CRTAC1: variants seen among roughly 807,000 people sequenced by gnomAD.
The protein encoded by CRTAC1 is cartilage acidic protein 1.
CRTAC1 carries 37 observed loss-of-function variants against 67.8 expected under a neutral mutation model. The ratio of observed to expected loss-of-function variants is 0.55; its 90% CI spans 0.42 to 0.72. The LOEUF is 0.72. CRTAC1 is among the 30% of genes least tolerant of loss of function. The pLI is 0.00. For synonymous variants in CRTAC1, 348 were observed against 371.0 expected, an observed-to-expected ratio of 0.94 and a Z score of 0.71; for missense variants, 780 against 931.6, an observed-to-expected ratio of 0.84 and a Z score of 2.12.
At chr10:97,972,913 A>G (rs1389738133) in intron 2 of CRTAC1, among the ~76,000 whole-genome samples, 1 of 151,992 alleles carries the variant, frequency 6.6e-6, no homozygotes, top group Non-Finnish European at 1.5e-5. Context: ...TTTTTTCACA[A>G]TTTAACCTCT....
intron 14 of CRTAC1, among the ~76,000 whole-genome samples, chr10:97,873,385 G>GC (rs1229960777): frequency 4.6e-5 from 7 of 152,194 alleles, no homozygotes; most frequent in African/African-American, 1.7e-4. Context: ...CACGAGGGCA[G>GC]CCCCAGGCTT....
At chr10:97,865,879 G>A (rs2050016978) in intron 14 of CRTAC1, 165 bp from the exon 15 acceptor site, 1 of 1,038,622 alleles carries the variant, frequency 9.6e-7, no homozygotes, top group Non-Finnish European at 1.3e-6. Context: ...TATGCCCCCT[G>A]TCCCTCACCC....
In CRTAC1 at chr10:97,896,635, C is replaced by T. The variant is rs146783018; in HGVS notation, c.1216+274G>A. ...ACCTGGCAAGGCATGGCCAGAGAAGCTCCTGCCCACAGACCCACAGATTCC... is the reference window on the plus strand; with the variant it reads ...ACCTGGCAAGGCATGGCCAGAGAAGTTCCTGCCCACAGACCCACAGATTCC... On this transcript the variant is annotated intron_variant, in intron 9 of 14. Transcript: ENST00000370597. Among the ~76,000 whole-genome samples the T allele has an allele frequency of 8.1e-4, 124 of 152,286 alleles. 1 individual carries two copies. The highest frequency in any genetic ancestry group is 4.9e-3 in the Admixed American group (75 of 15,306).
intron 2 of CRTAC1, among the ~76,000 whole-genome samples, chr10:97,993,848 AT>A (rs535458226): frequency 2.5e-3 from 377 of 152,252 alleles, no homozygotes; most frequent in Middle Eastern, 3.4e-3. Context: ...CAAAATGTGT[AT>A]GTAGAGTGTT....
intron 2 of CRTAC1, among the ~76,000 whole-genome samples, chr10:97,998,632 G>A (rs493761): frequency 0.17 from 25,374 of 151,908 alleles, 2,684 homozygotes; most frequent in African/African-American, 0.3. Flanking sequence ...CATTCAGCAA[G>A]GTAACATCTT....
intron 11 of CRTAC1, among the ~76,000 whole-genome samples, chr10:97,888,702 T>C (rs2050321399): frequency 1.3e-5 from 2 of 152,068 alleles, no homozygotes; most frequent in Non-Finnish European, 2.9e-5. Context: ...CTGCACGGGC[T>C]GAGGGGGACT....
At chr10:98,028,819 A>G (rs1843295352) in intron 1 of CRTAC1, among the ~76,000 whole-genome samples, 1 of 152,198 alleles carries the variant, frequency 6.6e-6, no homozygotes, top group African/African-American at 2.4e-5. Context: ...AGGCTGAAGC[A>G]GGTACCCTAG....
At chr10:97,893,457 C>T (rs2050406334) in intron 11 of CRTAC1, among the ~76,000 whole-genome samples, 1 of 152,178 alleles carries the variant, frequency 6.6e-6, no homozygotes, top group Admixed American at 6.5e-5. Context: ...CTGGGCTCCT[C>T]TACTCCTGCT....
At chr10:97,936,515 C>T (rs2051092089) in intron 2 of CRTAC1, 149 bp from the exon 3 acceptor site, 1 of 600,630 alleles carries the variant, frequency 1.7e-6, no homozygotes, top group African/African-American at 1.9e-5. Flanking sequence ...GCCAGCCTTG[C>T]CTCATGGAAC....
chr10:98,006,644 CAA>C (rs1324868549), intron 2 of CRTAC1, among the ~76,000 whole-genome samples: 2 of 152,158 alleles, frequency 1.3e-5, no homozygotes, highest in Admixed American at 6.5e-5. Context: ...CAAACCTATT[CAA>C]AGAGTAAATA....
chr10:97,965,169 G>A (rs1015202838), intron 2 of CRTAC1, among the ~76,000 whole-genome samples: 1 of 152,222 alleles, frequency 6.6e-6, no homozygotes, highest in African/African-American at 2.4e-5. Flanking sequence ...CCACAGGCTC[G>A]TGGAAGGTCC....
At chr10:97,988,379 G>T (rs2052019337) in intron 2 of CRTAC1, among the ~76,000 whole-genome samples, 1 of 152,172 alleles carries the variant, frequency 6.6e-6, no homozygotes, top group Admixed American at 6.5e-5. Flanking sequence ...TTGCAGATGG[G>T]TAAGACTCTG....
In CRTAC1 at chr10:97,957,293, G is replaced by A. The variant is rs542204528; in HGVS notation, c.225-20927C>T. Among the ~76,000 whole-genome samples the A allele has an allele frequency of 2.0e-5, 3 of 152,274 alleles. No individual in the cohort carries two copies. In the South Asian group the frequency reaches 6.2e-4, roughly 32 times the overall value. ...TTGAGGTGCAGAAGTGGGTGATGGA[G>A]AAAGGGAATGAGTGATGATAAAAGC... On this transcript the variant is annotated intron_variant, in intron 2 of 14. Coordinates refer to ENST00000370597, the MANE Select transcript of CRTAC1 (RefSeq NM_018058.7).
At chr10:97,996,001 A>G (rs1842558560) in intron 2 of CRTAC1, among the ~76,000 whole-genome samples, 2 of 152,206 alleles carry the variant, frequency 1.3e-5, no homozygotes, top group Non-Finnish European at 2.9e-5. Context: ...TCTACTAAAC[A>G]TACAAAAAAT....
chr10:97,999,575 G>T (rs528156819), intron 2 of CRTAC1, among the ~76,000 whole-genome samples: 1 of 152,220 alleles, frequency 6.6e-6, no homozygotes, highest in Admixed American at 6.5e-5. Flanking sequence ...CTTACAACCT[G>T]GGTGTCATGA....
chr10:97,907,124 G>C (rs2050623351), intron 6 of CRTAC1, among the ~76,000 whole-genome samples: 1 of 152,208 alleles, frequency 6.6e-6, no homozygotes, highest in African/African-American at 2.4e-5. Flanking sequence ...TTTACCGGTG[G>C]GCACTGGAGG....
At chr10:97,881,160 A>G (rs926562667) in intron 13 of CRTAC1, among the ~76,000 whole-genome samples, 1 of 151,394 alleles carries the variant, frequency 6.6e-6, no homozygotes. Flanking sequence ...ACATCATGTC[A>G]CTCCCCAGTT....
intron 14 of CRTAC1, among the ~76,000 whole-genome samples, chr10:97,872,663 T>C (rs958188051): frequency 5.9e-5 from 9 of 152,036 alleles, no homozygotes; most frequent in Admixed American, 5.2e-4. Context: ...ACAGAGAAGA[T>C]GGGTATAGAG....
At chr10:97,966,485 T>C (rs73332600) in intron 2 of CRTAC1, among the ~76,000 whole-genome samples, 4,314 of 152,282 alleles carry the variant, frequency 0.028, 199 homozygotes, top group African/African-American at 0.097. Flanking sequence ...GGTAGTATAG[T>C]GAGTTCCCAC....
Sources: gnomAD v4.1 joint callset for allele counts (sites outside exome capture counted in the v4.1 genomes callset) on GRCh38, gnomAD v4.1.1 for gene constraint, MANE v1.5 for transcripts, NCBI Gene and HGNC (gene_info 2026-07-23, HGNC 2026-07-21) for gene names.